EVL: variants seen among roughly 807,000 people sequenced by gnomAD.
EVL encodes Enah/Vasp-like.
A neutral mutation model predicts 59.6 loss-of-function variants in EVL; 21 were observed. The ratio of observed to expected loss-of-function variants is 0.35; its 90% CI spans 0.25 to 0.51. The LOEUF is 0.51. Among genes scored for constraint, EVL ranks in the 20% least tolerant of loss-of-function variants. The pLI, the probability that EVL is intolerant of heterozygous loss-of-function variation, is 0.97. For synonymous variants in EVL, 198 were observed against 203.5 expected (o/e 0.97, Z 0.23); for missense variants, 462 against 546.6 (o/e 0.85, Z 1.54).
At chr14:100,134,112 C>G (rs938566642) in intron 8 of EVL, among the ~76,000 whole-genome samples, 85 of 152,230 alleles carry the variant, frequency 5.6e-4, no homozygotes, top group African/African-American at 1.9e-3. Flanking sequence ...AGGGCGAGGC[C>G]TGGGCTTCTC....
At chr14:100,096,539 T>C (rs1885824331) in intron 2 of EVL, among the ~76,000 whole-genome samples, 1 of 152,120 alleles carries the variant, frequency 6.6e-6, no homozygotes, top group Admixed American at 6.5e-5. Context: ...CACATTCTTC[T>C]CCATTTGACA....
intron 7 of EVL, 138 bp from the exon 8 acceptor site, chr14:100,132,581 G>A (rs1888503790): frequency 9.3e-6 from 9 of 963,330 alleles, no homozygotes; most frequent in Admixed American, 5.3e-5. Flanking sequence ...TAGACAAGCC[G>A]CCTCCTTCAC....
intron 1 of EVL, among the ~76,000 whole-genome samples, chr14:100,043,285 GTATA>G (rs201664616): frequency 6.6e-6 from 1 of 151,104 alleles, no homozygotes. Context: ...ATGTGTGTGT[GTATA>G]TATATGTGTG....
At chr14:100,137,222 G>T in intron 9 of EVL, 1 of 316,540 alleles carries the variant, frequency 3.2e-6, no homozygotes, top group East Asian at 6.1e-5. Context: ...GGGCCGAGGG[G>T]CCTGGCCGCC....
intron 2 of EVL, among the ~76,000 whole-genome samples, chr14:100,094,004 G>T (rs372688636): frequency 4.3e-4 from 66 of 152,102 alleles, no homozygotes; most frequent in African/African-American, 1.5e-3. Flanking sequence ...TTTATCATAG[G>T]TATGTATGTA....
exon 1 of EVL, chr14:99,971,984 GCGCC>G (rs994743384): frequency 7.8e-6 from 1 of 128,052 alleles, no homozygotes; most frequent in Non-Finnish European, 1.5e-5. Flanking sequence ...CCCGCGTCCC[GCGCC>G]CCGCCGCCGC....
chr14:100,079,238 T>C (rs576852779), intron 1 of EVL, among the ~76,000 whole-genome samples: 8 of 152,364 alleles, frequency 5.3e-5, no homozygotes, highest in African/African-American at 1.9e-4. Flanking sequence ...AGAAGGCTGA[T>C]GGTAATCTGT....
At chr14:100,099,386 C>G (rs1375362436) in intron 3 of EVL, among the ~76,000 whole-genome samples, 2 of 150,426 alleles carry the variant, frequency 1.3e-5, no homozygotes, top group Non-Finnish European at 3.0e-5. Flanking sequence ...AAACACACAC[C>G]CACACACACA....
chr14:100,111,314 G>A (rs1434808228), intron 3 of EVL, among the ~76,000 whole-genome samples: 2 of 151,912 alleles, frequency 1.3e-5, no homozygotes, highest in African/African-American at 2.4e-5. Context: ...GCGCCACCAC[G>A]CCCGGCTAAT....
intron 1 of EVL, among the ~76,000 whole-genome samples, chr14:100,075,701 C>T (rs529373117): frequency 9.2e-5 from 14 of 152,272 alleles, no homozygotes; most frequent in African/African-American, 1.4e-4. Flanking sequence ...GCTGTCCTGA[C>T]GGCTTGAAAG....
In EVL at chr14:100,028,809, C is replaced by CA. The variant is rs542553669; in HGVS notation, c.6-55870dup. 6.0e-4 allele frequency among the ~76,000 whole-genome samples: 91 copies of CA among 151,898 alleles called. 1 individual carries two copies. Among genetic ancestry groups the CA allele is most frequent in the Non-Finnish European group, 1.1e-3 (74 of 67,934 alleles). ...CTGGCAACAGAGCGAGATTCCATCTCAAAAAAAATCTATTCTTCATTATTA... is the reference window on the plus strand; with the variant it reads ...CTGGCAACAGAGCGAGATTCCATCTCAAAAAAAAATCTATTCTTCATTATTA... On this transcript the variant is annotated intron_variant, in intron 1 of 13. Transcript: ENST00000402714.
chr14:100,061,552 A>G (rs148982520), upstream of EVL, among the ~76,000 whole-genome samples: 1,664 of 151,600 alleles, frequency 0.011, 38 homozygotes, highest in Admixed American at 0.039. Context: ...GAGTAAACCT[A>G]AAGACTTTTA....
intron 2 of EVL, among the ~76,000 whole-genome samples, chr14:100,090,994 A>G (rs1264648371): frequency 2.0e-5 from 3 of 152,120 alleles, no homozygotes; most frequent in Admixed American, 6.5e-5. Flanking sequence ...TAGTAATATA[A>G]TAATATATAC....
intron 1 of EVL, among the ~76,000 whole-genome samples, chr14:100,070,914 C>T (rs1199108083): frequency 2.6e-5 from 4 of 152,204 alleles, no homozygotes; most frequent in Middle Eastern, 6.3e-3. Flanking sequence ...GTAGCCTTAA[C>T]GTCCACGTGG....
rs531865134 is a variant in EVL, at chr14:100,027,292, A to G, written c.5+55235A>G. Among the ~76,000 whole-genome samples, 6 of 152,296 alleles carry G rather than the reference A, an allele frequency of 3.9e-5. No homozygotes were observed. In the East Asian group the frequency reaches 1.2e-3, roughly 29 times the overall value. On this transcript the variant is annotated intron_variant, in intron 1 of 13. Coordinates refer to the EVL transcript ENST00000402714. The stretch of plus-strand genomic sequence containing the variant: ...TTTTTTAGTTATTTTGAAATGTACA[A>G]TAAATTACTGTTAACTCTTGTTGCC...
chr14:100,047,032 C>T (rs1051725535), intron 1 of EVL, among the ~76,000 whole-genome samples: 14 of 149,258 alleles, frequency 9.4e-5, no homozygotes, highest in Non-Finnish European at 1.8e-4. Context: ...GGATTACAGG[C>T]GTGAGCCACC....
intron 1 of EVL, among the ~76,000 whole-genome samples, chr14:99,984,581 A>G (rs1029927834): frequency 2.0e-5 from 3 of 152,310 alleles, no homozygotes; most frequent in East Asian, 1.9e-4. Flanking sequence ...GTTAATTAAC[A>G]TCTTATATTA....
intron 2 of EVL, among the ~76,000 whole-genome samples, chr14:100,093,985 G>A (rs900637675): frequency 6.6e-6 from 1 of 152,042 alleles, no homozygotes; most frequent in Admixed American, 6.5e-5. Context: ...GCTAATTTAT[G>A]AGTTAAATTT....
intron 1 of EVL, among the ~76,000 whole-genome samples, chr14:100,023,410 G>C (rs1025441240): frequency 1.4e-4 from 17 of 125,644 alleles, no homozygotes; most frequent in African/African-American, 4.8e-4. Flanking sequence ...ATGGAGTTTC[G>C]CTCTTGTCTC....
Sources: gnomAD v4.1 joint callset for allele counts (sites outside exome capture counted in the v4.1 genomes callset) on GRCh38, gnomAD v4.1.1 for gene constraint, MANE v1.5 for transcripts, NCBI Gene and HGNC (gene_info 2026-07-23, HGNC 2026-07-21) for gene names.